Variants in VIRMA observed in about 807,000 individuals in gnomAD.
VIRMA encodes the protein vir like m6A methyltransferase associated, also known as protein virilizer homolog.
In VIRMA, 65 loss-of-function variants were observed where a neutral mutation model predicts 182.4. That is an observed-to-expected ratio of 0.36 (90% CI 0.29 to 0.44). The LOEUF (loss-of-function observed/expected upper bound fraction) is 0.44, where lower values mean the gene tolerates loss of function less well. Ranked by LOEUF, VIRMA falls within the 20% of genes least tolerant of loss-of-function variation. The pLI, the probability that VIRMA is intolerant of heterozygous loss-of-function variation, is 1.00. For synonymous variants in VIRMA, 709 were observed against 743.1 expected, an observed-to-expected ratio of 0.95 and a Z score of 0.75; for missense variants, 1,752 against 2,158.1, an observed-to-expected ratio of 0.81 and a Z score of 3.73.
Position 94,517,249 on chromosome 8 carries a change from C to T in VIRMA, c.2668+539G>A, listed in dbSNP as rs374668903. ...ATGGAGTCTTGCTCTGTTGCCCAGG[C>T]TGGAGCACAGTGGTGCAATCTTGGC... On this transcript the variant is annotated intron_variant, in intron 10 of 23. Transcript: ENST00000297591. 1.2e-3 allele frequency among the ~76,000 whole-genome samples: 190 copies of T among 152,308 alleles called. 2 individuals are homozygous for T. The highest frequency in any genetic ancestry group is 4.4e-3 in the African/African-American group (183 of 41,564).
intron 10 of VIRMA, among the ~76,000 whole-genome samples, chr8:94,516,318 T>C (rs933477441): frequency 6.6e-6 from 1 of 152,176 alleles, no homozygotes; most frequent in African/African-American, 2.4e-5. Flanking sequence ...CTTCCAAATT[T>C]GCCTTTATAA....
intron 11 of VIRMA, among the ~76,000 whole-genome samples, chr8:94,513,854 G>C (rs1814457171): frequency 6.6e-6 from 1 of 152,172 alleles, no homozygotes. Flanking sequence ...TTGAGGCTCA[G>C]AGTAAGAACA....
At chr8:94,538,130 T>A in intron 3 of VIRMA, 130 bp downstream of exon 3, 3 of 679,102 alleles carry the variant, frequency 4.4e-6, no homozygotes, top group Non-Finnish European at 7.9e-6. Context: ...AATACCACCA[T>A]GACACAATTA....
Position 94,526,490 on chromosome 8 carries a change from T to C in VIRMA, c.1754A>G (p.Glu585Gly), listed in dbSNP as rs780092594. Residue 585 changes from glutamate to glycine, a missense_variant, in exon 8 of 24, where the codon GAA becomes GGA. Physicochemically the swap from Glu to Gly is moderately conservative, Grantham distance 98. Around this residue, in one of 11 missense-constraint regions of VIRMA, gnomAD observed 401 missense variants for 455.1 expected, o/e 0.88. Transcript: ENST00000297591. ...TCCAGCATCTGTGTCGTGATCAGGT[T>C]CACTGTGGTTAGGAAGAGATGAAGT... ...EKTSSLPNHSEPDHDTDAGLE... is the reference protein window; with the variant it reads ...EKTSSLPNHSGPDHDTDAGLE... 6.2e-7 allele frequency: 1 copy of C among 1,613,792 alleles called. No homozygotes were observed. Among genetic ancestry groups the C allele is most frequent in the Non-Finnish European group, 8.5e-7 (1 of 1,179,956 alleles).
In VIRMA at chr8:94,534,981, T is replaced by C; in HGVS notation, c.342A>G (p.Arg114=). Residue 114 remains arginine (R), a synonymous_variant, in exon 5 of 24, where the codon AGA becomes AGG. Transcript: ENST00000297591. ...CCAGTGTCAGACAGTTATACCAGCCTCTTAGCACCAGACCATCAGTATTCA... is the reference window on the plus strand; with the variant it reads ...CCAGTGTCAGACAGTTATACCAGCCCCTTAGCACCAGACCATCAGTATTCA... ...SKVNTDGLVL[R]GWYNCLTLAI... 1 of 1,607,908 alleles carries C rather than the reference T, an allele frequency of 6.2e-7. No homozygotes were observed. Among genetic ancestry groups the C allele is most frequent in the Non-Finnish European group, 8.5e-7 (1 of 1,178,470 alleles).
At chr8:94,538,206 G>T in intron 3 of VIRMA, 54 bp downstream of exon 3, 1 of 1,085,984 alleles carries the variant, frequency 9.2e-7, no homozygotes, top group Non-Finnish European at 1.4e-6. Context: ...TCAATCAAAA[G>T]GTGTTGCTTA....
At chr8:94,531,630 T>C (rs1248620260) in intron 5 of VIRMA, among the ~76,000 whole-genome samples, 1 of 152,248 alleles carries the variant, frequency 6.6e-6, no homozygotes, top group Non-Finnish European at 1.5e-5. Flanking sequence ...TTAATCTATA[T>C]TGGTAACATT....
intron 5 of VIRMA, among the ~76,000 whole-genome samples, chr8:94,532,129 C>T (rs188454605): frequency 4.9e-4 from 75 of 152,230 alleles, no homozygotes; most frequent in Admixed American, 4.8e-3. Context: ...TTGTTTGAGA[C>T]GGAGTCTTGC....
chr8:94,489,846 C>T, intron 23 of VIRMA, 93 bp downstream of exon 23: 1 of 1,363,810 alleles, frequency 7.3e-7, no homozygotes, highest in Non-Finnish European at 1.0e-6. Context: ...GGGAGATTAG[C>T]ACCCCTAGCC....
chr8:94,508,721 C>A (rs1177442653), intron 15 of VIRMA, among the ~76,000 whole-genome samples: 1 of 150,156 alleles, frequency 6.7e-6, no homozygotes. Flanking sequence ...AAAGTTCTTT[C>A]TTGACCTGAG....
intron 2 of VIRMA, among the ~76,000 whole-genome samples, chr8:94,539,887 C>G (rs1815480756): frequency 6.6e-6 from 1 of 152,140 alleles, no homozygotes; most frequent in South Asian, 2.1e-4. Context: ...AAGTTCAGCT[C>G]CCTTTTGCTC....
chr8:94,503,870 C>CA (rs141784114), intron 16 of VIRMA, among the ~76,000 whole-genome samples: 14 of 149,508 alleles, frequency 9.4e-5, no homozygotes, highest in Admixed American at 2.6e-4. Context: ...TTAAAAAAAC[C>CA]AAAAAAACAA....
rs1044914967 is a variant in VIRMA, at chr8:94,526,720, G to C, written c.1524C>G (p.Asp508Glu). Reference protein sequence around the residue: ...SLKLNAFKALDSVISMTEGME... With the variant: ...SLKLNAFKALESVISMTEGME... ...TTCCTTCTGTCATACTAATGACACT[G>C]TCCAAAGCTTTAAAAGCATTTAACT... The change falls in exon 8 of 24, where the codon GAC (aspartate) becomes GAG (glutamate). Residue 508 changes from aspartate to glutamate, a missense_variant. By Grantham distance (45) the Asp-to-Glu change is conservative. This residue lies in a region of VIRMA where 401 missense variants were observed against 455.1 expected (regional missense o/e 0.88). Coordinates refer to ENST00000297591, the MANE Select transcript of VIRMA (RefSeq NM_015496.5). 3 of 1,613,784 alleles carry C rather than the reference G, an allele frequency of 1.9e-6. No homozygotes were observed. Among genetic ancestry groups the C allele is most frequent in the Non-Finnish European group, 2.5e-6 (3 of 1,180,010 alleles).
intron 14 of VIRMA, 35 bp from the exon 15 acceptor site, chr8:94,509,975 T>A (rs758924151): frequency 6.4e-7 from 1 of 1,564,356 alleles, no homozygotes; most frequent in Non-Finnish European, 8.6e-7. Flanking sequence ...TAAACAAAGT[T>A]CTTGACCTTA....
chr8:94,512,110 A>G, intron 11 of VIRMA, 21 bp from the exon 12 acceptor site: 1 of 1,347,884 alleles, frequency 7.4e-7, no homozygotes, highest in Non-Finnish European at 9.9e-7. Flanking sequence ...GAAAATGAAC[A>G]GAATATTTCG....
At chr8:94,531,626 T>C (rs953770397) in intron 5 of VIRMA, among the ~76,000 whole-genome samples, 1 of 152,258 alleles carries the variant, frequency 6.6e-6, no homozygotes, top group Non-Finnish European at 1.5e-5. Flanking sequence ...CTAATTAATC[T>C]ATATTGGTAA....
At chr8:94,513,532 G>A (rs1021702975) in intron 11 of VIRMA, among the ~76,000 whole-genome samples, 3 of 151,858 alleles carry the variant, frequency 2.0e-5, no homozygotes, top group Non-Finnish European at 4.4e-5. Flanking sequence ...GAGACACAGA[G>A]TGAAGTTTCA....
chr8:94,489,574 T>A (rs955865021), intron 23 of VIRMA, among the ~76,000 whole-genome samples: 1 of 152,206 alleles, frequency 6.6e-6, no homozygotes, highest in African/African-American at 2.4e-5. Context: ...GCCTATGGAA[T>A]GTTATGACCT....
intron 8 of VIRMA, 88 bp from the exon 9 acceptor site, chr8:94,519,564 T>G: frequency 7.4e-7 from 1 of 1,348,980 alleles, no homozygotes; most frequent in Non-Finnish European, 1.0e-6. Flanking sequence ...ATAAAAATTT[T>G]TAATGACCAT....
Sources: gnomAD v4.1 joint callset for allele counts (sites outside exome capture counted in the v4.1 genomes callset) on GRCh38, gnomAD v4.1.1 for gene constraint, gnomAD v4.1.1 regional missense constraint, MANE v1.5 for transcripts, NCBI Gene and HGNC (gene_info 2026-07-23, HGNC 2026-07-21) for gene names.